The following PAK3 variants were observed in gnomAD, a reference collection of about 807,000 sequenced individuals.
The protein encoded by PAK3 is serine/threonine-protein kinase PAK 3.
Under a neutral mutation model 41.0 loss-of-function variants are expected in PAK3, and 4 were observed. The observed-to-expected ratio is 0.10, with a 90% CI of 0.05 to 0.22. The LOEUF is 0.22. PAK3 is among the 10% of genes least tolerant of loss of function. The pLI is 1.00. For missense variants in PAK3, 205 were observed against 409.9 expected, an observed-to-expected ratio of 0.50 and a Z score of 4.32; for synonymous variants, 146 against 139.6, an observed-to-expected ratio of 1.05 and a Z score of -0.32.
At chrX:111,143,389 T>C (rs2093900401) in intron 6 of PAK3, among the ~76,000 whole-genome samples, 1 of 111,520 alleles carries the variant, frequency 9.0e-6, no homozygotes, top group African/African-American at 3.3e-5. Context: ...ATGGAAACAG[T>C]AAACACCTTG....
At chrX:111,086,841 C>T (rs1195138786) in intron 1 of PAK3, among the ~76,000 whole-genome samples, 2 of 111,705 alleles carry the variant, frequency 1.8e-5, no homozygotes, top group East Asian at 5.6e-4. Context: ...TTCTAAAAAC[C>T]TGCAGTCAAA....
intron 16 of PAK3, among the ~76,000 whole-genome samples, chrX:111,214,563 T>C (rs2094856304): frequency 8.9e-6 from 1 of 111,802 alleles, no homozygotes; most frequent in South Asian, 3.8e-4. Context: ...AGGACACTTA[T>C]TAGAATGCAA....
intron 1 of PAK3, among the ~76,000 whole-genome samples, chrX:111,028,559 A>G (rs1296123217): frequency 8.9e-6 from 1 of 111,755 alleles, no homozygotes; most frequent in Admixed American, 9.5e-5. Context: ...AATTTAACAA[A>G]AAAAAAGCAA....
chrX:110,995,520 C>T (rs2091725264), intron 1 of PAK3, among the ~76,000 whole-genome samples: 1 of 111,360 alleles, frequency 9.0e-6, no homozygotes, highest in Non-Finnish European at 1.9e-5. Context: ...CCAGTCCAGA[C>T]CACTGTTGAG....
chrX:111,039,787 G>GAAGGC (rs765619133), intron 1 of PAK3, among the ~76,000 whole-genome samples: 2 of 110,177 alleles, frequency 1.8e-5, no homozygotes, highest in East Asian at 5.8e-4. Flanking sequence ...TCCAAACCGG[G>GAAGGC]AAGGCAAGGC....
intron 1 of PAK3, among the ~76,000 whole-genome samples, chrX:111,022,959 G>T (rs2092211031): frequency 9.1e-6 from 1 of 110,417 alleles, no homozygotes; most frequent in Admixed American, 9.7e-5. Flanking sequence ...TGTTACATAG[G>T]TATACATGTG....
chrX:110,985,219 C>A (rs904045769), intron 1 of PAK3, among the ~76,000 whole-genome samples: 1 of 111,799 alleles, frequency 8.9e-6, no homozygotes, highest in African/African-American at 3.3e-5. Context: ...CTGGCCCCTG[C>A]CTTCCTCTGC....
rs138932438 is a variant in PAK3 at position 111,020,758 on chromosome X, G to A, written c.-28+76130G>A. 1.9e-4 allele frequency among the ~76,000 whole-genome samples: 21 copies of A among 111,651 alleles called. 2 individuals carry two copies. The East Asian group carries it at 6.0e-3, about 32-fold the overall frequency. On this transcript the variant is annotated intron_variant, in intron 1 of 14. Transcript: ENST00000425146. ...TGGGGAGGCTTGTGGTCTGGGGTAAGTTCTCAGCCCTGATCATTGGCTGCC... is the reference window on the plus strand; with the variant it reads ...TGGGGAGGCTTGTGGTCTGGGGTAAATTCTCAGCCCTGATCATTGGCTGCC...
intron 16 of PAK3, among the ~76,000 whole-genome samples, chrX:111,205,344 G>A (rs973805520): frequency 2.7e-5 from 3 of 110,446 alleles, no homozygotes; most frequent in Non-Finnish European, 3.8e-5. Context: ...CTAAAAACTC[G>A]TGAGTCCCTT....
chrX:111,061,816 C>T (rs2092658353), intron 1 of PAK3, among the ~76,000 whole-genome samples: 1 of 109,994 alleles, frequency 9.1e-6, no homozygotes. Context: ...TATACTCAGT[C>T]ACTTGTTTTT....
chrX:111,034,082 C>G (rs755289457), intron 1 of PAK3, among the ~76,000 whole-genome samples: 25 of 111,452 alleles, frequency 2.2e-4, no homozygotes, highest in African/African-American at 7.5e-4. Flanking sequence ...TTCTACCATA[C>G]AGTTCTTCTT....
chrX:110,958,899 T>A (rs2090920531), intron 1 of PAK3, among the ~76,000 whole-genome samples: 1 of 111,884 alleles, frequency 8.9e-6, no homozygotes, highest in Non-Finnish European at 1.9e-5. Flanking sequence ...CTTTCAACCT[T>A]ACTCTTCTTG....
chrX:111,065,999 C>A (rs1373239959), intron 1 of PAK3, among the ~76,000 whole-genome samples: 1 of 111,830 alleles, frequency 8.9e-6, no homozygotes. Context: ...TTTGAAGAAC[C>A]AACTTTTGGT....
chrX:111,139,016 AAG>A (rs1483385027), intron 5 of PAK3, among the ~76,000 whole-genome samples: 6 of 110,906 alleles, frequency 5.4e-5, no homozygotes, highest in Non-Finnish European at 1.1e-4. Context: ...ACACAAATGC[AAG>A]AATGTGATCT....
intron 11 of PAK3, among the ~76,000 whole-genome samples, chrX:111,184,354 T>C (rs2094488476): frequency 9.0e-6 from 1 of 110,637 alleles, no homozygotes; most frequent in African/African-American, 3.3e-5. Flanking sequence ...TCTTTGTTAG[T>C]TTGAGTTTTG....
At chrX:111,121,349 TGTTA>T (rs2093564587) in intron 4 of PAK3, among the ~76,000 whole-genome samples, 3 of 111,940 alleles carry the variant, frequency 2.7e-5, no homozygotes, top group Admixed American at 1.9e-4. Context: ...TCAAACCAAT[TGTTA>T]GTTGTCAATC....
In PAK3 at chrX:111,143,930, A is replaced by G. The variant is rs763430068; in HGVS notation, c.276+1734A>G. Among the ~76,000 whole-genome samples, 5 of 110,526 alleles carry G rather than the reference A, an allele frequency of 4.5e-5. No individual in the cohort carries two copies. In the South Asian group the frequency reaches 1.9e-3, roughly 42 times the overall value. ...TGTTTTCTGATGTGAAAATTTTCTC[A>G]TCCAGTTATCTCATGTGATATTCTA... On this transcript the variant is annotated intron_variant, in intron 6 of 17. Transcript: ENST00000372007.
rs2094929120 is a variant in PAK3 at position 111,221,755 on chromosome X, C to G, written c.*1308C>G. 1 of 111,468 alleles carries G rather than the reference C, an allele frequency of 9.0e-6. No individual in the cohort carries two copies. Among genetic ancestry groups the G allele is most frequent in the Non-Finnish European group, 1.9e-5 (1 of 53,018 alleles). The allele number at this position is 111,468 out of a possible 1,213,427, so 9.2% of individuals were successfully genotyped here. ...CATTTTTCCTATGTATCACCTATTT[C>G]TGTTTCGGAATATGGTGTGTTCATG... On this transcript the variant is annotated 3_prime_UTR_variant, in exon 18 of 18. Coordinates refer to ENST00000372007, the MANE Select transcript of PAK3 (RefSeq NM_002578.5).
At chrX:110,991,628 C>A (rs2091649636) in intron 1 of PAK3, among the ~76,000 whole-genome samples, 1 of 112,014 alleles carries the variant, frequency 8.9e-6, no homozygotes, top group Non-Finnish European at 1.9e-5. Context: ...GCCAGTTGAC[C>A]ATTAAGGTAA....
Sources: gnomAD v4.1 joint callset for allele counts (sites outside exome capture counted in the v4.1 genomes callset) on GRCh38, gnomAD v4.1.1 for gene constraint, MANE v1.5 for transcripts, NCBI Gene and HGNC (gene_info 2026-07-23, HGNC 2026-07-21) for gene names.